The following GALNT11 variants were observed in gnomAD, a reference collection of about 807,000 sequenced individuals.
The protein encoded by GALNT11 is UDP-GalNAc:polypeptide N-acetylgalactosaminyltransferase 11.
GALNT11 carries 47 observed loss-of-function variants against 72.7 expected under a neutral mutation model. The observed-to-expected ratio is 0.65, with a 90% CI of 0.51 to 0.82. The LOEUF is 0.82. Among genes scored for constraint, GALNT11 ranks in the 40% least tolerant of loss-of-function variants. The pLI is 0.00. For synonymous variants in GALNT11, 270 were observed against 286.6 expected (o/e 0.94, Z 0.58); for missense variants, 677 against 778.4 (o/e 0.87, Z 1.55).
chr7:152,117,510 A>C, intron 9 of GALNT11, 135 bp downstream of exon 9: 1 of 848,682 alleles, frequency 1.2e-6, no homozygotes, highest in Non-Finnish European at 1.8e-6. Context: ...GCCTTTCATT[A>C]TATTCTCTTT....
intron 1 of GALNT11, among the ~76,000 whole-genome samples, chr7:152,059,713 A>G (rs1019153835): frequency 1.3e-5 from 2 of 152,204 alleles, no homozygotes; most frequent in African/African-American, 4.8e-5. Flanking sequence ...AGGTCTCAAC[A>G]GTGGGCTTAA....
chr7:152,103,347 C>T, intron 4 of GALNT11, 69 bp downstream of exon 4: 1 of 1,502,290 alleles, frequency 6.7e-7, no homozygotes, highest in South Asian at 1.2e-5. Flanking sequence ...CAAACACTAA[C>T]ACAGCTGAAC....
At position 152,028,012 on chromosome 7, in the gene GALNT11, G is replaced by A. The variant is rs543034184; in HGVS notation, c.-39+2128G>A. 5.3e-4 allele frequency among the ~76,000 whole-genome samples: 80 copies of A among 152,332 alleles called. 1 individual carries two copies. The highest frequency in any genetic ancestry group is 3.3e-4 in the Admixed American group (5 of 15,298). On this transcript the variant is annotated intron_variant, in intron 1 of 11. Transcript: ENST00000430044. Reference sequence around the variant, plus strand: ...GAGAGTTGTTTGTTCCTCGCAGTAGGTTTGTGGTCTCACTGACTTCAGGAG... The same window carrying A: ...GAGAGTTGTTTGTTCCTCGCAGTAGATTTGTGGTCTCACTGACTTCAGGAG...
At chr7:152,040,349 A>G (rs1262419038) in intron 1 of GALNT11, among the ~76,000 whole-genome samples, 2 of 152,166 alleles carry the variant, frequency 1.3e-5, no homozygotes, top group Non-Finnish European at 2.9e-5. Context: ...CCAGTTCTCG[A>G]GAATTAGCTC....
At chr7:152,078,639 T>G (rs2085128485) in intron 1 of GALNT11, among the ~76,000 whole-genome samples, 3 of 152,252 alleles carry the variant, frequency 2.0e-5, no homozygotes, top group Admixed American at 1.3e-4. Context: ...GCAAATTCAT[T>G]TTCCTTAGAT....
intron 9 of GALNT11, chr7:152,117,918 T>G (rs2089040664): frequency 6.5e-6 from 1 of 153,382 alleles, no homozygotes; most frequent in African/African-American, 2.4e-5. Context: ...AGTTAAATTG[T>G]AGGGGTCCGG....
chr7:152,107,798 G>A lies in GALNT11; in HGVS notation c.713-240G>A, dbSNP rs147665825. On this transcript the variant is annotated intron_variant, in intron 5 of 11. Coordinates refer to ENST00000430044, the MANE Select transcript of GALNT11 (RefSeq NM_022087.4). ...TTGCCTGTCAGTTTTTTCAAGAGTCGCGCGTATGATTTGTATGGGTCCCTC... is the reference window on the plus strand; with the variant it reads ...TTGCCTGTCAGTTTTTTCAAGAGTCACGCGTATGATTTGTATGGGTCCCTC... 1.2e-3 allele frequency: 419 copies of A among 357,496 alleles called. 1 individual carries two copies. Among genetic ancestry groups the A allele is most frequent in the African/African-American group, 7.6e-3 (379 of 49,746 alleles). 22.1% of individuals were successfully genotyped at this position (357,496 alleles called of 1,614,324 possible).
At chr7:152,117,529 TTCTCTACGCAAG>T (rs1039241393) in intron 9 of GALNT11, 154 bp downstream of exon 9, 1 of 725,428 alleles carries the variant, frequency 1.4e-6, no homozygotes, top group African/African-American at 1.8e-5. Flanking sequence ...TTATGGGAAC[TTCTCTACGCAAG>T]TGTAGGACCT....
chr7:152,103,257 G>A lies in GALNT11; in HGVS notation c.565G>A (p.Val189Met), dbSNP rs1385215797. ...ACACCTGCTTCATGAGATCATCCTT[G>A]TGGATGATGATAGTGACTTTGGTAA... ...PAHLLHEIIL[V>M]DDDSDFDDLK... The change falls in exon 4 of 12, where the codon GTG becomes ATG. Residue 189 changes from valine (V) to methionine (M), a missense_variant. By Grantham distance (21) the Val-to-Met change is conservative. Transcript: ENST00000430044. The A allele has an allele frequency of 1.2e-6, 2 of 1,612,988 alleles. No homozygotes were observed. Among genetic ancestry groups the A allele is most frequent in the Admixed American group, 3.3e-5 (2 of 59,992 alleles).
At chr7:152,118,594 C>A in intron 9 of GALNT11, 84 bp from the exon 10 acceptor site, 1 of 1,159,754 alleles carries the variant, frequency 8.6e-7, no homozygotes, top group Non-Finnish European at 1.2e-6. Context: ...AATAACCTTT[C>A]ACATTTTGCC....
intron 1 of GALNT11, among the ~76,000 whole-genome samples, chr7:152,062,677 G>T (rs2084087399): frequency 6.6e-6 from 1 of 152,080 alleles, no homozygotes; most frequent in Admixed American, 6.5e-5. Context: ...TAGCATGGAG[G>T]GCTGTTGAAT....
Position 152,121,772 on chromosome 7 carries a change from C to T in GALNT11, c.*95C>T, listed in dbSNP as rs2129083930. On this transcript the variant is annotated 3_prime_UTR_variant, in exon 12 of 12. Transcript: ENST00000430044. ...AAGCCTGGGTTGGGTGGAGCAGAAC[C>T]ATCTTGGAGAAGATGACAGTTCCCT... The T allele has an allele frequency of 2.0e-6, 3 of 1,467,442 alleles. No homozygotes were observed. Among genetic ancestry groups the T allele is most frequent in the East Asian group, 2.3e-5 (1 of 43,556 alleles). The allele number at this position is 1,467,442 out of a possible 1,614,324, so 90.9% of individuals were successfully genotyped here.
intron 1 of GALNT11, among the ~76,000 whole-genome samples, chr7:152,088,310 C>A (rs2085783466): frequency 6.6e-6 from 1 of 152,084 alleles, no homozygotes; most frequent in South Asian, 2.1e-4. Context: ...AAAGATTTCC[C>A]TATTTTTCCT....
intron 2 of GALNT11, among the ~76,000 whole-genome samples, chr7:152,098,533 C>T (rs986383504): frequency 6.6e-6 from 1 of 151,990 alleles, no homozygotes; most frequent in Non-Finnish European, 1.5e-5. Flanking sequence ...CATGTTAATT[C>T]ATTGAGGTTT....
chr7:152,081,151 A>G (rs1386261329), intron 1 of GALNT11, among the ~76,000 whole-genome samples: 2 of 152,188 alleles, frequency 1.3e-5, no homozygotes, highest in African/African-American at 4.8e-5. Flanking sequence ...TTTCTGAAAA[A>G]TGTTAGATTG....
intron 1 of GALNT11, among the ~76,000 whole-genome samples, chr7:152,057,074 C>A (rs903879263): frequency 4.4e-5 from 6 of 134,936 alleles, no homozygotes; most frequent in African/African-American, 1.4e-4. Flanking sequence ...CCAGGCCAGT[C>A]TTGAATTCCT....
intron 6 of GALNT11, among the ~76,000 whole-genome samples, chr7:152,108,655 G>A (rs1047538232): frequency 6.6e-5 from 10 of 152,294 alleles, no homozygotes; most frequent in Non-Finnish European, 1.3e-4. Context: ...CCGGAGTGAT[G>A]TTGTGAAAAA....
At chr7:152,100,430 G>C (rs1042493748) in intron 2 of GALNT11, among the ~76,000 whole-genome samples, 3 of 152,042 alleles carry the variant, frequency 2.0e-5, no homozygotes, top group Non-Finnish European at 4.4e-5. Context: ...GCTGGGCGTG[G>C]TGGCATTTGC....
intron 1 of GALNT11, among the ~76,000 whole-genome samples, chr7:152,039,947 G>T (rs146287808): frequency 5.9e-5 from 9 of 152,198 alleles, no homozygotes; most frequent in African/African-American, 1.9e-4. Flanking sequence ...AGTTAAGAAT[G>T]CTAGATTCAA....
Sources: allele counts gnomAD v4.1 joint callset (sites outside exome capture counted in the v4.1 genomes callset), GRCh38; gene constraint gnomAD v4.1.1; transcripts MANE v1.5; gene names NCBI Gene and HGNC (gene_info 2026-07-23, HGNC 2026-07-21).